Variants in SOX5 observed in about 807,000 individuals in gnomAD.
The protein encoded by SOX5 is transcription factor SOX-5.
In SOX5, 9 loss-of-function variants were observed where a neutral mutation model predicts 92.0. The ratio of observed to expected loss-of-function variants is 0.10; its 90% CI spans 0.06 to 0.17. The LOEUF is 0.17. Among genes scored for constraint, SOX5 ranks in the 10% least tolerant of loss-of-function variants. The pLI, the probability that SOX5 is intolerant of heterozygous loss-of-function variation, is 1.00. For synonymous variants in SOX5, 344 were observed against 336.3 expected (o/e 1.02, Z -0.25); for missense variants, 642 against 944.5 (o/e 0.68, Z 4.20).
At chr12:24,003,922 C>T (rs1951875967) in intron 4 of SOX5, among the ~76,000 whole-genome samples, 1 of 152,016 alleles carries the variant, frequency 6.6e-6, no homozygotes, top group African/African-American at 2.4e-5. Context: ...GTGATCAAGA[C>T]AGTTTGGAAC....
intron 1 of SOX5, among the ~76,000 whole-genome samples, chr12:23,921,667 C>T (rs1446260302): frequency 6.6e-6 from 1 of 152,154 alleles, no homozygotes; most frequent in Non-Finnish European, 1.5e-5. Flanking sequence ...AGCAAGAAAG[C>T]AAACAGACTG....
chr12:24,217,078 C>G (rs1040550801), intron 3 of SOX5, among the ~76,000 whole-genome samples: 1 of 152,160 alleles, frequency 6.6e-6, no homozygotes, highest in Non-Finnish European at 1.5e-5. Context: ...CCCCTTTATC[C>G]AGCTACTCAT....
Position 23,990,915 on chromosome 12 carries a change from G to T in SOX5, c.-1-94891C>A, listed in dbSNP as rs141938962. On this transcript the variant is annotated intron_variant, in intron 4 of 4. Coordinates refer to the SOX5 transcript ENST00000446891. ...GAAAGTTTAAGTAACAATAAAACCA[G>T]ACTAGAACATTTTTGACTTTTTTTT... Among the ~76,000 whole-genome samples, 814 of 152,088 alleles carry T rather than the reference G, an allele frequency of 5.4e-3. 9 individuals carry two copies. Among genetic ancestry groups the T allele is most frequent in the African/African-American group, 0.019 (772 of 41,502 alleles).
intron 4 of SOX5, among the ~76,000 whole-genome samples, chr12:24,051,845 CTCT>C (rs1394211069): frequency 1.3e-5 from 2 of 152,198 alleles, no homozygotes; most frequent in Non-Finnish European, 2.9e-5. Flanking sequence ...TGTTTACTGT[CTCT>C]TCTTAGTAAT....
chr12:24,056,783 G>A (rs1393204512), intron 4 of SOX5, among the ~76,000 whole-genome samples: 1 of 150,672 alleles, frequency 6.6e-6, no homozygotes, highest in Non-Finnish European at 1.5e-5. Context: ...AGACCATCCC[G>A]GCTAAAACGG....
chr12:24,251,345 A>G (rs1442523642), intron 3 of SOX5, among the ~76,000 whole-genome samples: 1 of 152,188 alleles, frequency 6.6e-6, no homozygotes, highest in Non-Finnish European at 1.5e-5. Flanking sequence ...TACTGATAAG[A>G]TTCAGCATGG....
At chr12:23,953,379 TTTCAA>T (rs1366050062), upstream of SOX5, among the ~76,000 whole-genome samples, 6 of 152,112 alleles carry the variant, frequency 3.9e-5, no homozygotes, top group African/African-American at 1.4e-4. Context: ...CCAAATTCTT[TTTCAA>T]TTATCAGAAA....
chr12:23,564,352 A>G (rs1946714292), intron 10 of SOX5, among the ~76,000 whole-genome samples: 1 of 152,216 alleles, frequency 6.6e-6, no homozygotes, highest in Admixed American at 6.5e-5. Context: ...AGAAAAGCTA[A>G]TATCTCATCT....
chr12:24,150,185 T>C (rs1380153761), intron 4 of SOX5, among the ~76,000 whole-genome samples: 1 of 152,202 alleles, frequency 6.6e-6, no homozygotes, highest in Admixed American at 6.5e-5. Context: ...ACAATATGTA[T>C]ATGATTTGTT....
At chr12:24,550,898 C>G (rs1953088971) in intron 1 of SOX5, among the ~76,000 whole-genome samples, 1 of 152,228 alleles carries the variant, frequency 6.6e-6, no homozygotes, top group South Asian at 2.1e-4. Context: ...GCTTGAATTA[C>G]AGCCATTTTT....
At chr12:23,948,823 C>T (rs1221023102) in intron 1 of SOX5, among the ~76,000 whole-genome samples, 2 of 152,136 alleles carry the variant, frequency 1.3e-5, no homozygotes, top group Non-Finnish European at 2.9e-5. Context: ...AGATATTTCT[C>T]TAAATAGGAA....
intron 1 of SOX5, among the ~76,000 whole-genome samples, chr12:23,945,757 G>C (rs1241884173): frequency 6.6e-6 from 1 of 152,150 alleles, no homozygotes; most frequent in Non-Finnish European, 1.5e-5. Context: ...AATGTGAACA[G>C]ATAACTTTTC....
chr12:24,044,105 C>T (rs1224304181), intron 4 of SOX5, among the ~76,000 whole-genome samples: 1 of 152,042 alleles, frequency 6.6e-6, no homozygotes, highest in Non-Finnish European at 1.5e-5. Flanking sequence ...TTGGGGCATC[C>T]ACAATTTGAA....
rs182308293 is a variant in SOX5, at chr12:24,521,919, G to C, written c.-251+40410C>G. On this transcript the variant is annotated intron_variant, in intron 1 of 4. Coordinates refer to the SOX5 transcript ENST00000446891. ...CAAGAAATGTAAAACCAAGCCCAAA[G>C]TTAGCAGGAGGAAAGAAAAAAGAGA... Among the ~76,000 whole-genome samples, 525 of 151,536 alleles carry C rather than the reference G, an allele frequency of 3.5e-3. 1 individual carries two copies. The highest frequency in any genetic ancestry group is 0.02 in the Middle Eastern group (6 of 294).
intron 4 of SOX5, among the ~76,000 whole-genome samples, chr12:24,146,967 T>G (rs1296705978): frequency 6.6e-6 from 1 of 152,136 alleles, no homozygotes; most frequent in African/African-American, 2.4e-5. Flanking sequence ...ATGTCTATTT[T>G]TTAAATGGGA....
chr12:23,850,338 A>G (rs1351507226), intron 2 of SOX5, among the ~76,000 whole-genome samples: 1 of 151,894 alleles, frequency 6.6e-6, no homozygotes, highest in East Asian at 1.9e-4. Context: ...CTGAGGCAGG[A>G]GAATCACTTG....
Position 23,958,153 on chromosome 12 carries a change from C to T in SOX5, c.-1-62129G>A, listed in dbSNP as rs554395580. ...ACATATATCTAAGGTCATCAATACT[C>T]TTCGTGGTACAGAAACCCAACTTCA... On this transcript the variant is annotated intron_variant, in intron 4 of 4. Transcript: ENST00000446891. Among the ~76,000 whole-genome samples, 9 of 152,156 alleles carry T rather than the reference C, an allele frequency of 5.9e-5. No homozygotes were observed. In the South Asian group the frequency reaches 1.9e-3, roughly 31 times the overall value.
At chr12:24,009,207 G>T (rs1247233298) in intron 4 of SOX5, among the ~76,000 whole-genome samples, 1 of 152,218 alleles carries the variant, frequency 6.6e-6, no homozygotes, top group Non-Finnish European at 1.5e-5. Flanking sequence ...TTCCACGTGA[G>T]ACCCATCCAG....
chr12:24,045,661 C>G (rs1956929098), intron 4 of SOX5, among the ~76,000 whole-genome samples: 2 of 152,294 alleles, frequency 1.3e-5, no homozygotes, highest in African/African-American at 4.8e-5. Flanking sequence ...GTTGAATTGT[C>G]ATGGAGTTCC....
Sources: allele counts gnomAD v4.1 joint callset (sites outside exome capture counted in the v4.1 genomes callset), GRCh38; gene constraint gnomAD v4.1.1; transcripts MANE v1.5; gene names NCBI Gene and HGNC (gene_info 2026-07-23, HGNC 2026-07-21).